Variants in RBFOX3 observed in about 807,000 individuals in gnomAD.
RBFOX3 encodes RNA binding protein fox-1 homolog 3.
A neutral mutation model predicts 48.7 loss-of-function variants in RBFOX3; 17 were observed. The ratio of observed to expected loss-of-function variants is 0.35; its 90% CI spans 0.24 to 0.52. The LOEUF (loss-of-function observed/expected upper bound fraction) is 0.52, where lower values mean the gene tolerates loss of function less well. RBFOX3 is among the 20% of genes least tolerant of loss of function. The pLI is 0.94. For synonymous variants in RBFOX3, 212 were observed against 209.5 expected (o/e 1.01, Z -0.10); for missense variants, 382 against 497.5 (o/e 0.77, Z 2.21).
chr17:79,268,708 C>T (rs562086878), intron 3 of RBFOX3, among the ~76,000 whole-genome samples: 48 of 152,306 alleles, frequency 3.2e-4, no homozygotes, highest in Admixed American at 1.4e-3. Context: ...GCATCCCTCC[C>T]GCTCCCTGAC....
chr17:79,510,732 C>T (rs1008057734), intron 1 of RBFOX3, among the ~76,000 whole-genome samples: 3 of 152,130 alleles, frequency 2.0e-5, no homozygotes, highest in East Asian at 1.9e-4. Context: ...GGGATGAGGA[C>T]GGAGGACGTT....
At chr17:79,156,117 C>A (rs923198536) in intron 4 of RBFOX3, among the ~76,000 whole-genome samples, 2 of 152,108 alleles carry the variant, frequency 1.3e-5, no homozygotes, top group African/African-American at 4.8e-5. Flanking sequence ...TTGGGGGTGA[C>A]GGGGAAAAGG....
rs1303984624 is a variant in RBFOX3 at position 79,481,986 on chromosome 17, C to T, written c.-175+468G>A. 6.6e-6 allele frequency among the ~76,000 whole-genome samples: 1 copy of T among 152,112 alleles called. No individual in the cohort carries two copies. Among genetic ancestry groups the T allele is most frequent in the Admixed American group, 6.5e-5 (1 of 15,280 alleles). ...GTGTCAGAGCTGAACGGCAGTCACC[C>T]TCTCGGGGTGGGAACAGAGGCATCA... On this transcript the variant is annotated intron_variant, in intron 2 of 14. Transcript: ENST00000693108. The surrounding 1 kb of genome is among the most constrained non-coding windows in gnomAD (Gnocchi z 5.4).
chr17:79,611,164 C>CCGCCCTCCT (rs2069454900), upstream of RBFOX3, among the ~76,000 whole-genome samples: 2 of 36,834 alleles, frequency 5.4e-5, no homozygotes, highest in African/African-American at 1.6e-4. Context: ...CTCTCTCTCT[C>CCGCCCTCCT]TCTCTCTCTC....
intron 3 of RBFOX3, among the ~76,000 whole-genome samples, chr17:79,257,524 G>A (rs773766041): frequency 6.6e-5 from 10 of 152,214 alleles, no homozygotes; most frequent in East Asian, 1.9e-4. Flanking sequence ...TTGGCCAAAG[G>A]GCTGCAGGGC....
At chr17:79,462,543 T>A (rs1555749620) in intron 2 of RBFOX3, among the ~76,000 whole-genome samples, 1 of 152,116 alleles carries the variant, frequency 6.6e-6, no homozygotes, top group Non-Finnish European at 1.5e-5. Flanking sequence ...CCAGGGGACA[T>A]GAGACAAATG....
intron 2 of RBFOX3, among the ~76,000 whole-genome samples, chr17:79,336,770 T>C (rs1236147708): frequency 6.6e-6 from 1 of 152,130 alleles, no homozygotes; most frequent in Non-Finnish European, 1.5e-5. Flanking sequence ...TTCCAGAGCT[T>C]TGGGGCTTTT....
Position 79,204,453 on chromosome 17 carries a change from A to G in RBFOX3, c.-34+31313T>C, listed in dbSNP as rs915046096. Among the ~76,000 whole-genome samples the G allele has an allele frequency of 6.6e-6, 1 of 152,178 alleles. No homozygotes were observed. Among genetic ancestry groups the G allele is most frequent in the Non-Finnish European group, 1.5e-5 (1 of 68,030 alleles). ...TTAATATCCTGGAAAGGACACGCGT[A>G]CCAGTCCAGTGAACAGCTCCTTGAA... On this transcript the variant is annotated intron_variant, in intron 4 of 14. Transcript: ENST00000693108. The surrounding 1 kb of genome is among the most constrained non-coding windows in gnomAD (Gnocchi z 4.5).
chr17:79,345,639 C>T (rs2082786543), intron 2 of RBFOX3, among the ~76,000 whole-genome samples: 2 of 152,038 alleles, frequency 1.3e-5, no homozygotes, highest in South Asian at 4.2e-4. Flanking sequence ...CCTGCCTGTC[C>T]TCTGCTTTTT....
intron 1 of RBFOX3, among the ~76,000 whole-genome samples, chr17:79,527,677 C>T (rs952304416): frequency 2.0e-5 from 3 of 152,238 alleles, no homozygotes; most frequent in Admixed American, 6.5e-5. Context: ...CATCTGCTTC[C>T]GATATCCCCC....
the RBFOX3 span, among the ~76,000 whole-genome samples, chr17:79,632,940 G>A: frequency 6.6e-6 from 1 of 152,230 alleles, no homozygotes; most frequent in African/African-American, 2.4e-5. Flanking sequence ...AAACACTCCT[G>A]TATTCCACAG....
intron 4 of RBFOX3, among the ~76,000 whole-genome samples, chr17:79,172,632 T>G (rs1338779883): frequency 1.3e-5 from 2 of 152,196 alleles, no homozygotes; most frequent in African/African-American, 4.8e-5. Context: ...ATCAGAGCCC[T>G]AGAGTTGCTG....
intron 1 of RBFOX3, among the ~76,000 whole-genome samples, chr17:79,491,447 GA>G (rs1244301536): frequency 6.6e-6 from 1 of 151,950 alleles, no homozygotes; most frequent in Non-Finnish European, 1.5e-5. Context: ...GGGTAGAGGG[GA>G]AAAACCAAGG....
chr17:79,309,762 C>G (rs2076586845), intron 2 of RBFOX3, among the ~76,000 whole-genome samples: 1 of 152,100 alleles, frequency 6.6e-6, no homozygotes, highest in African/African-American at 2.4e-5. Flanking sequence ...TGAGTGAGTT[C>G]TCGTGAGAGC....
intron 4 of RBFOX3, among the ~76,000 whole-genome samples, chr17:79,231,684 C>A (rs1220742861): frequency 6.6e-6 from 1 of 152,008 alleles, no homozygotes; most frequent in East Asian, 1.9e-4. Flanking sequence ...AGAAAAATAC[C>A]ATTTTAAGAA....
intron 4 of RBFOX3, among the ~76,000 whole-genome samples, chr17:79,151,315 G>A: frequency 6.7e-6 from 1 of 149,502 alleles, no homozygotes; most frequent in Non-Finnish European, 1.5e-5. Context: ...GCTGCCCCAC[G>A]GGACGCGTGG....
At chr17:79,387,069 A>G (rs1378066706) in intron 2 of RBFOX3, among the ~76,000 whole-genome samples, 1 of 152,172 alleles carries the variant, frequency 6.6e-6, no homozygotes, top group Non-Finnish European at 1.5e-5. Flanking sequence ...CTGAACAGGG[A>G]CAGGAAAGCA....
intron 2 of RBFOX3, among the ~76,000 whole-genome samples, chr17:79,336,891 G>GGGTGGATCACCTGAGGCC (rs2081279573): frequency 6.6e-6 from 1 of 152,140 alleles, no homozygotes; most frequent in Admixed American, 6.5e-5. Flanking sequence ...AGGCAGAGGC[G>GGGTGGATCACCTGAGGCC]GGTGGATCAC....
chr17:79,604,186 T>C (rs2093774743), intron 1 of RBFOX3, among the ~76,000 whole-genome samples: 1 of 152,060 alleles, frequency 6.6e-6, no homozygotes, highest in East Asian at 1.9e-4. Context: ...CCTCAGAACC[T>C]CCCATGAATA....
Sources: gnomAD v4.1 joint callset for allele counts (sites outside exome capture counted in the v4.1 genomes callset) on GRCh38, gnomAD v4.1.1 for gene constraint, Gnocchi (gnomAD v3.1) non-coding constraint, MANE v1.5 for transcripts, NCBI Gene and HGNC (gene_info 2026-07-23, HGNC 2026-07-21) for gene names.